Variants in WDSUB1 observed in about 807,000 individuals in gnomAD.
The protein encoded by WDSUB1 is WD repeat, sterile alpha motif and U-box domain containing 1.
Under a neutral mutation model 53.9 loss-of-function variants are expected in WDSUB1, and 49 were observed. The observed-to-expected ratio is 0.91, with a 90% CI of 0.72 to 1.15. The LOEUF is 1.15. WDSUB1 is among the 50% of genes most tolerant of loss of function. The probability of loss-of-function intolerance (pLI) is 0.00; values close to 1 mark genes in which losing one functional copy is unlikely to be tolerated. For synonymous variants in WDSUB1, 194 were observed against 200.6 expected (o/e 0.97, Z 0.28); for missense variants, 514 against 562.0 (o/e 0.91, Z 0.86).
At chr2:159,271,644 G>T in intron 5 of WDSUB1, 58 bp downstream of exon 5, 1 of 1,398,200 alleles carries the variant, frequency 7.2e-7, no homozygotes, top group Non-Finnish European at 1.0e-6. Context: ...GTACTTTTCC[G>T]TGTGTCTGTT....
intron 3 of WDSUB1, among the ~76,000 whole-genome samples, chr2:159,278,270 TAATTA>T (rs2061583945): frequency 6.6e-6 from 1 of 152,166 alleles, no homozygotes. Flanking sequence ...ATAACTGCCT[TAATTA>T]AATTAGGGAG....
intron 3 of WDSUB1, among the ~76,000 whole-genome samples, chr2:159,278,718 C>CA (rs916315116): frequency 3.9e-5 from 6 of 151,948 alleles, no homozygotes; most frequent in African/African-American, 1.5e-4. Context: ...GTCAATGTGG[C>CA]AAAAAATGCA....
At chr2:159,244,924 C>T (rs1366070963) in intron 10 of WDSUB1, among the ~76,000 whole-genome samples, 1 of 152,114 alleles carries the variant, frequency 6.6e-6, no homozygotes, top group African/African-American at 2.4e-5. Flanking sequence ...AATGAGACCT[C>T]ATCTCTAAAA....
intron 10 of WDSUB1, among the ~76,000 whole-genome samples, chr2:159,238,038 A>G (rs977619293): frequency 1.3e-5 from 2 of 152,184 alleles, no homozygotes; most frequent in South Asian, 2.1e-4. Flanking sequence ...AACCAACAGT[A>G]TATGTTGTCA....
At chr2:159,247,930 T>TATATATATATATAAATATATATATAA in intron 10 of WDSUB1, among the ~76,000 whole-genome samples, 1 of 63,284 alleles carries the variant, frequency 1.6e-5, no homozygotes, top group Admixed American at 2.1e-4. Context: ...TATATATAAA[T>TATATATATATATAAATATATATATAA]ATATATATAT....
At chr2:159,238,760 C>A (rs2060557911) in intron 10 of WDSUB1, among the ~76,000 whole-genome samples, 1 of 151,372 alleles carries the variant, frequency 6.6e-6, no homozygotes, top group Admixed American at 6.6e-5. Flanking sequence ...TTGTTTTTTT[C>A]TAGGTTATTT....
chr2:159,249,982 G>A (rs1431163472), intron 9 of WDSUB1, among the ~76,000 whole-genome samples: 4 of 151,584 alleles, frequency 2.6e-5, no homozygotes, highest in South Asian at 2.1e-4. Context: ...CCAGCTACTC[G>A]GGAGGCTAAG....
chr2:159,263,960 A>AT (rs2061281113), intron 5 of WDSUB1, among the ~76,000 whole-genome samples: 1 of 152,166 alleles, frequency 6.6e-6, no homozygotes, highest in Admixed American at 6.5e-5. Flanking sequence ...TACATTCTCC[A>AT]TTTTATAGTC....
chr2:159,286,041 GTT>G (rs1322745358), intron 1 of WDSUB1, among the ~76,000 whole-genome samples: 1 of 152,120 alleles, frequency 6.6e-6, no homozygotes, highest in Non-Finnish European at 1.5e-5. Context: ...CAGCTGAACA[GTT>G]TGTTTTGAAA....
intron 4 of WDSUB1, among the ~76,000 whole-genome samples, chr2:159,273,036 T>G (rs2061473521): frequency 6.6e-6 from 1 of 152,206 alleles, no homozygotes; most frequent in Admixed American, 6.5e-5. Flanking sequence ...AAGTGTTAAA[T>G]GTCTTTTAGT....
chr2:159,283,486 C>G (rs943939831), intron 1 of WDSUB1, among the ~76,000 whole-genome samples: 1 of 152,158 alleles, frequency 6.6e-6, no homozygotes, highest in Non-Finnish European at 1.5e-5. Context: ...GCAGAAGAAT[C>G]CCTTGAAGGG....
rs1444699355 is a variant in WDSUB1, at chr2:159,256,675, T to A, written c.953-300A>T. On this transcript the variant is annotated intron_variant, in intron 8 of 10. Transcript: ENST00000359774. ...CTTTTTCACATCAGGAAAACAATTT[T>A]TTATTATATAAAATTCATACCAGCA... Among the ~76,000 whole-genome samples, 6 of 152,220 alleles carry A rather than the reference T, an allele frequency of 3.9e-5. No individual in the cohort carries two copies. The East Asian group carries it at 1.2e-3, about 29-fold the overall frequency.
At chr2:159,261,847 C>CAA (rs2061195274) in intron 5 of WDSUB1, among the ~76,000 whole-genome samples, 1 of 54,204 alleles carries the variant, frequency 1.8e-5, no homozygotes, top group Non-Finnish European at 3.2e-5. Flanking sequence ...AACTGAAACT[C>CAA]ATATATATAT....
intron 10 of WDSUB1, among the ~76,000 whole-genome samples, chr2:159,243,555 A>G (rs1407078167): frequency 1.5e-5 from 2 of 137,470 alleles, no homozygotes; most frequent in Admixed American, 6.8e-5. Context: ...CACAAGGTAT[A>G]TGTCTCTATT....
At position 159,235,901 on chromosome 2, in the gene WDSUB1, A is replaced by G. The variant is rs1389810149; in HGVS notation, c.*132T>C. The G allele has an allele frequency of 2.1e-6, 2 of 932,172 alleles. No homozygotes were observed. The highest frequency in any genetic ancestry group is 2.9e-6 in the Non-Finnish European group (2 of 684,500). 57.7% of individuals were successfully genotyped at this position (932,172 alleles called of 1,614,324 possible). A position where few individuals can be genotyped will look rare whatever the true frequency, so the allele number is the denominator to read the frequency against. On this transcript the variant is annotated 3_prime_UTR_variant, in exon 11 of 11. Coordinates refer to ENST00000359774, the MANE Select transcript of WDSUB1 (RefSeq NM_001128212.3). ...GTTTTTTAAAGAATGAAAATTGACA[A>G]TTTTTATAGGTAACTAAATTTAAGA...
At chr2:159,285,582 T>C (rs897751792) in intron 1 of WDSUB1, among the ~76,000 whole-genome samples, 3 of 152,096 alleles carry the variant, frequency 2.0e-5, no homozygotes, top group Non-Finnish European at 4.4e-5. Flanking sequence ...GGCGAGCACC[T>C]GTAGTCCCAG....
chr2:159,285,170 T>C (rs2061761869), intron 1 of WDSUB1, among the ~76,000 whole-genome samples: 2 of 152,218 alleles, frequency 1.3e-5, no homozygotes, highest in Non-Finnish European at 2.9e-5. Context: ...CTTAAATAAA[T>C]ATAAGTTGAA....
intron 10 of WDSUB1, among the ~76,000 whole-genome samples, chr2:159,239,212 C>A (rs1380584207): frequency 6.7e-6 from 1 of 148,590 alleles, no homozygotes; most frequent in East Asian, 2.0e-4. Flanking sequence ...ATTACGTTGC[C>A]CAGGCTGGTC....
chr2:159,284,561 G>T (rs530564774), intron 1 of WDSUB1, among the ~76,000 whole-genome samples: 10 of 152,052 alleles, frequency 6.6e-5, no homozygotes, highest in Non-Finnish European at 1.2e-4. Context: ...GTCCTATCAT[G>T]GTTTGTCATC....
Sources: gnomAD v4.1 joint callset for allele counts (sites outside exome capture counted in the v4.1 genomes callset) on GRCh38, gnomAD v4.1.1 for gene constraint, MANE v1.5 for transcripts, NCBI Gene and HGNC (gene_info 2026-07-23, HGNC 2026-07-21) for gene names.